PTGER3: variants seen among roughly 807,000 people sequenced by gnomAD.
The protein encoded by PTGER3 is prostaglandin E2 receptor EP3 subtype.
A neutral mutation model predicts 34.7 loss-of-function variants in PTGER3; 22 were observed. The observed-to-expected ratio is 0.63, with a 90% CI of 0.45 to 0.91. PTGER3 has a LOEUF of 0.91. PTGER3 is among the 40% of genes least tolerant of loss of function. The probability of loss-of-function intolerance (pLI) is 0.00; values close to 1 mark genes in which losing one functional copy is unlikely to be tolerated. For missense variants in PTGER3, 468 were observed against 519.4 expected, an observed-to-expected ratio of 0.90 and a Z score of 0.96; for synonymous variants, 241 against 230.1, an observed-to-expected ratio of 1.05 and a Z score of -0.43.
intron 4 of PTGER3, among the ~76,000 whole-genome samples, chr1:70,866,838 G>A (rs911567375): frequency 1.3e-5 from 2 of 152,120 alleles, no homozygotes; most frequent in Non-Finnish European, 2.9e-5. Flanking sequence ...TCCAGGCAGC[G>A]GGATAGGGGG....
chr1:70,899,538 G>C (rs1187886049), intron 4 of PTGER3, among the ~76,000 whole-genome samples: 2 of 152,086 alleles, frequency 1.3e-5, no homozygotes, highest in Non-Finnish European at 2.9e-5. Context: ...GGAGTTCTGA[G>C]AGAGTGAGGG....
At chr1:71,024,855 G>GA (rs1454706843) in intron 1 of PTGER3, among the ~76,000 whole-genome samples, 1 of 149,764 alleles carries the variant, frequency 6.7e-6, no homozygotes, top group African/African-American at 2.4e-5. Flanking sequence ...GTGCCCGGCT[G>GA]AAAAAAATAC....
At position 71,047,682 on chromosome 1, in the gene PTGER3, TG is replaced by T; in HGVS notation, c.-106del. On this transcript the variant is annotated 5_prime_UTR_variant, in exon 1 of 4. It introduces an in-frame stop codon into an upstream open reading frame of the 5' UTR. Transcript: ENST00000306666. The stretch of plus-strand genomic sequence containing the variant: ...GGTCGGCGTTTACCGCGGCTGGGGC[TG>T]GGCTGCCCCCCATGGTGCGGGGCGC... 4.5e-6 allele frequency: 6 copies of T among 1,327,668 alleles called. No homozygotes were observed. Among genetic ancestry groups the T allele is most frequent in the Non-Finnish European group, 6.0e-6 (6 of 997,788 alleles). The allele number at this position is 1,327,668 out of a possible 1,614,324, so 82.2% of individuals were successfully genotyped here.
intron 3 of PTGER3, among the ~76,000 whole-genome samples, chr1:70,972,636 A>G (rs1267025678): frequency 3.3e-5 from 5 of 152,130 alleles, no homozygotes; most frequent in Admixed American, 3.3e-4. Flanking sequence ...AAAATTGACC[A>G]TATGGTTAAG....
At chr1:70,902,888 C>T (rs746873171) in intron 4 of PTGER3, among the ~76,000 whole-genome samples, 14 of 152,222 alleles carry the variant, frequency 9.2e-5, no homozygotes, top group East Asian at 1.9e-4. Flanking sequence ...ATACCTGTAG[C>T]GGGTTGAATG....
At chr1:70,864,247 C>T (rs1645992731) in intron 4 of PTGER3, among the ~76,000 whole-genome samples, 1 of 152,058 alleles carries the variant, frequency 6.6e-6, no homozygotes, top group South Asian at 2.1e-4. Context: ...CTCCCCAAGA[C>T]TCCTATTATA....
chr1:71,007,031 A>T, intron 2 of PTGER3: 1 of 985,320 alleles, frequency 1.0e-6, no homozygotes, highest in Non-Finnish European at 1.2e-6. Flanking sequence ...AAAACATACT[A>T]GAAGATATAT....
intron 4 of PTGER3, among the ~76,000 whole-genome samples, chr1:70,936,887 A>G (rs1649280803): frequency 6.6e-6 from 1 of 152,166 alleles, no homozygotes; most frequent in Admixed American, 6.5e-5. Flanking sequence ...TTTCCTAGGA[A>G]AGTAAATACT....
chr1:70,888,978 A>C (rs961408854), intron 4 of PTGER3, among the ~76,000 whole-genome samples: 3 of 152,152 alleles, frequency 2.0e-5, no homozygotes, highest in African/African-American at 7.2e-5. Flanking sequence ...GGTTTTTTAG[A>C]AAAGAAAGCA....
intron 2 of PTGER3, among the ~76,000 whole-genome samples, chr1:70,954,349 C>T (rs990747610): frequency 3.9e-5 from 6 of 152,068 alleles, no homozygotes; most frequent in Non-Finnish European, 8.8e-5. Flanking sequence ...TATGAGGCTT[C>T]ATTTTGTGAA....
At chr1:71,041,141 ATTG>A (rs1042382541) in intron 1 of PTGER3, among the ~76,000 whole-genome samples, 2 of 152,222 alleles carry the variant, frequency 1.3e-5, no homozygotes, top group Admixed American at 6.5e-5. Flanking sequence ...AGTTGAAAAT[ATTG>A]TTAAGTTGAA....
downstream of PTGER3, among the ~76,000 whole-genome samples, chr1:70,951,986 T>C (rs1286743717): frequency 6.6e-6 from 1 of 152,080 alleles, no homozygotes. Context: ...AACAGAGCTG[T>C]AGCATGCAGG....
Position 71,047,371 on chromosome 1 carries a change from G to T in PTGER3, c.207C>A (p.Ala69=). 6.2e-7 allele frequency: 1 copy of T among 1,611,026 alleles called. No individual in the cohort carries two copies. The highest frequency in any genetic ancestry group is 8.5e-7 in the Non-Finnish European group (1 of 1,179,322). ...GGTAGCTGCGCGACACGAGCAGCAT[G>T]GCCAGTGCGTTGCCCACGAAACCAG... ...LLTGFVGNAL[A]MLLVSRSYRR... The change falls in exon 1 of 4, where the codon GCC becomes GCA. Residue 69 remains alanine (A), a synonymous_variant. Transcript: ENST00000306666.
intron 2 of PTGER3, chr1:71,008,110 T>C (rs1657125065): frequency 1.0e-6 from 1 of 980,732 alleles, no homozygotes; most frequent in African/African-American, 1.7e-5. Context: ...GAATTATGTC[T>C]GTTACTTTCT....
intron 1 of PTGER3, among the ~76,000 whole-genome samples, chr1:71,013,885 CA>C (rs751614477): frequency 2.2e-4 from 34 of 152,036 alleles, no homozygotes; most frequent in Non-Finnish European, 3.4e-4. Flanking sequence ...TTCACAATCC[CA>C]AGCAAAGAAA....
chr1:71,007,427 T>C, intron 2 of PTGER3: 1 of 985,542 alleles, frequency 1.0e-6, no homozygotes, highest in South Asian at 4.7e-5. Flanking sequence ...TGAGTGAACT[T>C]ATCATTTGCT....
chr1:70,942,369 C>T (rs1649840232), intron 4 of PTGER3, among the ~76,000 whole-genome samples: 1 of 152,114 alleles, frequency 6.6e-6, no homozygotes, highest in South Asian at 2.1e-4. Context: ...ATTTTTTAAC[C>T]ATAATTTAGC....
At chr1:71,009,265 A>G in intron 2 of PTGER3, 1 of 985,004 alleles carries the variant, frequency 1.0e-6, no homozygotes, top group Middle Eastern at 5.2e-4. Context: ...TAGTTAACTT[A>G]CATGAGGTTT....
chr1:70,890,636 A>C (rs1440433214), intron 4 of PTGER3, among the ~76,000 whole-genome samples: 3 of 152,144 alleles, frequency 2.0e-5, no homozygotes, highest in Non-Finnish European at 4.4e-5. Flanking sequence ...CAGTTTTAGC[A>C]CTTAAATATT....
Sources: gnomAD v4.1 joint callset for allele counts (sites outside exome capture counted in the v4.1 genomes callset) on GRCh38, gnomAD v4.1.1 for gene constraint, MANE v1.5 for transcripts, NCBI Gene and HGNC (gene_info 2026-07-23, HGNC 2026-07-21) for gene names.